The following MYO5B variants were observed in gnomAD, a reference collection of about 807,000 sequenced individuals.
MYO5B encodes unconventional myosin-Vb.
Under a neutral mutation model 229.3 loss-of-function variants are expected in MYO5B, and 143 were observed. The ratio of observed to expected loss-of-function variants is 0.62; its 90% CI spans 0.54 to 0.72. The LOEUF (loss-of-function observed/expected upper bound fraction) is 0.72, where lower values mean the gene tolerates loss of function less well. MYO5B is among the 30% of genes least tolerant of loss of function. MYO5B has a pLI of 0.00. For missense variants in MYO5B, 2,321 were observed against 2,331.0 expected (o/e 1.00, Z 0.09); for synonymous variants, 918 against 885.2 (o/e 1.04, Z -0.66).
rs114006051 is a variant in MYO5B at position 50,019,182 on chromosome 18, A to T, written c.455+17668T>A. Among the ~76,000 whole-genome samples, 184 of 152,356 alleles carry T rather than the reference A, an allele frequency of 1.2e-3. 2 individuals are homozygous for T. Among genetic ancestry groups the T allele is most frequent in the African/African-American group, 4.3e-3 (178 of 41,594 alleles). ...CATAAACGTGCTTTAAAGATACACC[A>T]TAATCACGTAGCTAGTAGAGAAACC... On this transcript the variant is annotated intron_variant, in intron 4 of 39. Transcript: ENST00000285039.
At chr18:49,859,159 G>C (rs545027241) in intron 29 of MYO5B, among the ~76,000 whole-genome samples, 1 of 152,202 alleles carries the variant, frequency 6.6e-6, no homozygotes. Context: ...CACCTGTAAT[G>C]AGCCCGTGGC....
rs77718536 is a variant in MYO5B at position 49,833,518 on chromosome 18, T to C, written c.5394+1826A>G. ...GGAAGATTCAGAATCTGACTGTACA[T>C]ATTTTGAGAGAATAGTTGGGCTTAA... On this transcript the variant is annotated intron_variant, in intron 39 of 39. Coordinates refer to ENST00000285039, the MANE Select transcript of MYO5B (RefSeq NM_001080467.3). Among the ~76,000 whole-genome samples, 509 of 152,356 alleles carry C rather than the reference T, an allele frequency of 3.3e-3. 2 individuals are homozygous for C. Among genetic ancestry groups the C allele is most frequent in the African/African-American group, 0.011 (474 of 41,580 alleles).
chr18:50,176,891 C>T (rs2033004635), intron 1 of MYO5B, among the ~76,000 whole-genome samples: 1 of 152,198 alleles, frequency 6.6e-6, no homozygotes, highest in Non-Finnish European at 1.5e-5. Context: ...GAAAAAGTTT[C>T]CAGCACAAGT....
At chr18:49,878,013 G>T in intron 24 of MYO5B, 131 bp from the exon 25 acceptor site, 3 of 1,100,616 alleles carry the variant, frequency 2.7e-6, no homozygotes, top group Non-Finnish European at 4.2e-6. Flanking sequence ...TTGCTTCTTG[G>T]AATGATGGCT....
chr18:50,043,385 A>ATAT, intron 2 of MYO5B, among the ~76,000 whole-genome samples: 1 of 88,030 alleles, frequency 1.1e-5, no homozygotes, highest in Non-Finnish European at 2.1e-5. Context: ...ATAATATATT[A>ATAT]AATATATTTA....
At chr18:50,062,872 T>C (rs375813842) in intron 1 of MYO5B, among the ~76,000 whole-genome samples, 91 of 152,202 alleles carry the variant, frequency 6.0e-4, no homozygotes, top group African/African-American at 2.1e-3. Context: ...AGGGTGCTGG[T>C]CCCCACTCCC....
chr18:49,877,088 T>C (rs1248105815), intron 25 of MYO5B, among the ~76,000 whole-genome samples: 1 of 152,182 alleles, frequency 6.6e-6, no homozygotes, highest in Non-Finnish European at 1.5e-5. Flanking sequence ...CTCTCCTCCA[T>C]GTTATTTCCA....
intron 1 of MYO5B, among the ~76,000 whole-genome samples, chr18:50,165,035 A>C (rs1337551450): frequency 1.3e-5 from 2 of 152,208 alleles, no homozygotes; most frequent in Non-Finnish European, 2.9e-5. Context: ...GCATCTATAT[A>C]TGCTGGGCAC....
chr18:50,104,877 A>G lies in MYO5B; in HGVS notation c.28-49499T>C, dbSNP rs376469002. On this transcript the variant is annotated intron_variant, in intron 1 of 39. Coordinates refer to ENST00000285039, the MANE Select transcript of MYO5B (RefSeq NM_001080467.3). The stretch of plus-strand genomic sequence containing the variant: ...ATATCCCAGACCTGCCAAAATGCAT[A>G]AACACCAGCAATCACAGAACTCCAA... 5.9e-5 allele frequency among the ~76,000 whole-genome samples: 9 copies of G among 152,256 alleles called. No individual in the cohort carries two copies. The East Asian group carries it at 7.7e-4, about 13-fold the overall frequency.
At chr18:50,013,397 T>C (rs2026182978) in intron 4 of MYO5B, among the ~76,000 whole-genome samples, 1 of 152,180 alleles carries the variant, frequency 6.6e-6, no homozygotes, top group Non-Finnish European at 1.5e-5. Context: ...CAACTGCACC[T>C]ACACCCTGAG....
chr18:49,884,557 T>A (rs1289332823), intron 22 of MYO5B, among the ~76,000 whole-genome samples: 2 of 152,004 alleles, frequency 1.3e-5, no homozygotes, highest in Admixed American at 6.6e-5. Context: ...GTAAGATTTG[T>A]GCTCCTATGA....
rs546631943 is a variant in MYO5B at position 49,906,801 on chromosome 18, T to C, written c.2203-171A>G. 3.9e-5 allele frequency among the ~76,000 whole-genome samples: 6 copies of C among 152,274 alleles called. No individual in the cohort carries two copies. The South Asian group carries it at 1.2e-3, about 32-fold the overall frequency. The stretch of plus-strand genomic sequence containing the variant: ...TGCTTAACAGACCCCAAGACCCTAC[T>C]ACGGGCCAGACTCTAGAACATGGCA... On this transcript the variant is annotated intron_variant, in intron 18 of 39. Coordinates refer to ENST00000285039, the MANE Select transcript of MYO5B (RefSeq NM_001080467.3).
intron 15 of MYO5B, 68 bp from the exon 16 acceptor site, chr18:49,936,417 A>G: frequency 9.0e-7 from 1 of 1,108,098 alleles, no homozygotes; most frequent in Admixed American, 2.0e-5. Flanking sequence ...AGAAAAACTC[A>G]TATATGGGTG....
intron 1 of MYO5B, among the ~76,000 whole-genome samples, chr18:50,163,764 AC>A (rs2032804202): frequency 6.6e-6 from 1 of 152,080 alleles, no homozygotes; most frequent in Non-Finnish European, 1.5e-5. Context: ...CTGCACCAGG[AC>A]CCCATGGAGC....
chr18:49,962,653 G>A (rs2025573360), intron 11 of MYO5B, among the ~76,000 whole-genome samples: 2 of 151,844 alleles, frequency 1.3e-5, no homozygotes, highest in South Asian at 4.2e-4. Flanking sequence ...TTCAATCACA[G>A]GAAGCCCCAT....
intron 9 of MYO5B, among the ~76,000 whole-genome samples, chr18:49,977,540 C>T (rs1417814839): frequency 1.3e-5 from 2 of 152,112 alleles, no homozygotes; most frequent in African/African-American, 4.8e-5. Flanking sequence ...CATTCTGTGC[C>T]TGGCACTGTG....
At chr18:50,093,344 C>A (rs2031488412) in intron 1 of MYO5B, among the ~76,000 whole-genome samples, 1 of 152,130 alleles carries the variant, frequency 6.6e-6, no homozygotes. Context: ...TTGATCCAGT[C>A]ATGCCAAGTC....
chr18:49,833,384 G>A (rs1231756403), intron 39 of MYO5B, among the ~76,000 whole-genome samples: 2 of 152,220 alleles, frequency 1.3e-5, no homozygotes, highest in Non-Finnish European at 2.9e-5. Flanking sequence ...GGGCAGGACT[G>A]ATTGTTCACC....
intron 1 of MYO5B, among the ~76,000 whole-genome samples, chr18:50,077,963 CAT>C (rs746055433): frequency 5.9e-5 from 9 of 152,204 alleles, no homozygotes; most frequent in Non-Finnish European, 1.0e-4. Flanking sequence ...GCGGAAAAGA[CAT>C]ATATTAGCAC....
Sources: allele counts gnomAD v4.1 joint callset (sites outside exome capture counted in the v4.1 genomes callset), GRCh38; gene constraint gnomAD v4.1.1; transcripts MANE v1.5; gene names NCBI Gene and HGNC (gene_info 2026-07-23, HGNC 2026-07-21).